WWOX: variants seen among roughly 807,000 people sequenced by gnomAD.
WWOX encodes WW domain-containing oxidoreductase.
WWOX carries 69 observed loss-of-function variants against 46.2 expected under a neutral mutation model. The ratio of observed to expected loss-of-function variants is 1.49; its 90% CI spans 1.23 to 1.82. The LOEUF is 1.82. WWOX is among the 40% of genes most tolerant of loss of function. WWOX has a pLI of 0.00. For missense variants in WWOX, 919 were observed against 542.6 expected (o/e 1.69, Z -6.89); for synonymous variants, 359 against 202.6 (o/e 1.77, Z -6.56).
intron 8 of WWOX, among the ~76,000 whole-genome samples, chr16:78,508,782 C>T (rs939176724): frequency 1.3e-5 from 2 of 152,186 alleles, no homozygotes; most frequent in Admixed American, 6.5e-5. Flanking sequence ...CGATGTCTCT[C>T]CACAGGGCTG....
intron 5 of WWOX, among the ~76,000 whole-genome samples, chr16:78,352,852 T>G (rs897814038): frequency 6.6e-6 from 1 of 152,154 alleles, no homozygotes; most frequent in Admixed American, 6.5e-5. Flanking sequence ...CCTTCTGGAT[T>G]GGCGGTTGAT....
At chr16:79,069,609 T>C (rs1191178789) in intron 8 of WWOX, among the ~76,000 whole-genome samples, 4 of 151,848 alleles carry the variant, frequency 2.6e-5, no homozygotes, top group African/African-American at 9.7e-5. Flanking sequence ...AAGTATGCTG[T>C]TATCAACCAT....
intron 8 of WWOX, among the ~76,000 whole-genome samples, chr16:78,693,016 C>T (rs1023247129): frequency 1.3e-5 from 2 of 152,296 alleles, no homozygotes; most frequent in African/African-American, 4.8e-5. Flanking sequence ...AGTTTGAAAG[C>T]CCAACCATAT....
intron 5 of WWOX, among the ~76,000 whole-genome samples, chr16:78,248,977 C>T (rs746454212): frequency 6.6e-6 from 1 of 151,220 alleles, no homozygotes; most frequent in African/African-American, 2.4e-5. Context: ...CTGCCTCAGC[C>T]TCCGGAGCAG....
chr16:79,154,841 T>C (rs892097349), intron 8 of WWOX, among the ~76,000 whole-genome samples: 2 of 152,226 alleles, frequency 1.3e-5, no homozygotes, highest in East Asian at 3.9e-4. Context: ...ACCTGTGCTT[T>C]TATAAACTTG....
chr16:78,539,844 C>T (rs1014685693), intron 8 of WWOX, among the ~76,000 whole-genome samples: 2 of 152,122 alleles, frequency 1.3e-5, no homozygotes, highest in African/African-American at 4.8e-5. Context: ...CTTTATCTTG[C>T]CATTACTGTA....
At chr16:78,765,721 G>T (rs1341629198) in intron 8 of WWOX, among the ~76,000 whole-genome samples, 1 of 152,144 alleles carries the variant, frequency 6.6e-6, no homozygotes, top group Non-Finnish European at 1.5e-5. Flanking sequence ...GAGCTTTAAT[G>T]AGTTCACTCT....
At chr16:78,788,493 C>G (rs754549631) in intron 8 of WWOX, among the ~76,000 whole-genome samples, 1 of 152,158 alleles carries the variant, frequency 6.6e-6, no homozygotes, top group Non-Finnish European at 1.5e-5. Flanking sequence ...CCTCATGAAG[C>G]TCCCATAAAA....
At chr16:78,563,447 C>A (rs2044486397) in intron 8 of WWOX, among the ~76,000 whole-genome samples, 1 of 148,624 alleles carries the variant, frequency 6.7e-6, no homozygotes, top group Admixed American at 6.7e-5. Context: ...GAGGGAGAAT[C>A]CAAAGATAGT....
In WWOX at chr16:78,734,841, C is replaced by CTTTTTTTTTTTTTTTTTT. The variant is rs60560119; in HGVS notation, c.1056+302114_1056+302131dup. ...GATGACTCAGGTGGGGACTTCAGTC[C>CTTTTTTTTTTTTTTTTTT]TTTTTTTTTTTTTTTTTTTTTTTTT... On this transcript the variant is annotated intron_variant, in intron 8 of 8. Transcript: ENST00000566780. 3.2e-4 allele frequency among the ~76,000 whole-genome samples: 13 copies of CTTTTTTTTTTTTTTTTTT among 40,126 alleles called. 4 individuals are homozygous for CTTTTTTTTTTTTTTTTTT. The highest frequency in any genetic ancestry group is 6.4e-4 in the African/African-American group (7 of 10,904). The allele number at this position is 40,126 out of a possible 152,430, so 26.3% of individuals were successfully genotyped here.
intron 8 of WWOX, among the ~76,000 whole-genome samples, chr16:78,630,680 C>G (rs569792116): frequency 2.6e-4 from 40 of 152,294 alleles, no homozygotes; most frequent in African/African-American, 9.6e-4. Context: ...TGCCTTGCAT[C>G]CTTTTGCTGT....
At chr16:79,032,609 A>G (rs1463929257) in intron 8 of WWOX, among the ~76,000 whole-genome samples, 5 of 148,824 alleles carry the variant, frequency 3.4e-5, no homozygotes, top group Non-Finnish European at 7.4e-5. Context: ...TATATAATGA[A>G]TATAATTATA....
chr16:78,530,593 C>G (rs1037394221), intron 8 of WWOX, among the ~76,000 whole-genome samples: 6 of 152,088 alleles, frequency 3.9e-5, no homozygotes, highest in Non-Finnish European at 7.4e-5. Flanking sequence ...TGGGGGCAGG[C>G]CGGGCCATGG....
At chr16:78,681,100 A>G (rs951912986) in intron 8 of WWOX, among the ~76,000 whole-genome samples, 4 of 152,082 alleles carry the variant, frequency 2.6e-5, no homozygotes, top group East Asian at 1.9e-4. Flanking sequence ...AATGCAAAAG[A>G]TAGTTGAGCG....
At chr16:79,054,509 G>T (rs904728305) in intron 8 of WWOX, among the ~76,000 whole-genome samples, 1 of 152,116 alleles carries the variant, frequency 6.6e-6, no homozygotes, top group African/African-American at 2.4e-5. Context: ...ATTAATTTCT[G>T]GAACTAATTA....
At chr16:78,378,688 A>G (rs1052447777) in intron 5 of WWOX, among the ~76,000 whole-genome samples, 1 of 152,198 alleles carries the variant, frequency 6.6e-6, no homozygotes, top group Non-Finnish European at 1.5e-5. Context: ...CAGGACTGAG[A>G]GTATGTAAAG....
intron 5 of WWOX, among the ~76,000 whole-genome samples, chr16:78,302,328 A>T (rs561246924): frequency 5.5e-4 from 84 of 152,038 alleles, no homozygotes; most frequent in Non-Finnish European, 9.7e-4. Flanking sequence ...TAAATATATC[A>T]GTTATAAAAG....
At chr16:78,212,857 G>T (rs2036600143) in intron 5 of WWOX, among the ~76,000 whole-genome samples, 1 of 152,136 alleles carries the variant, frequency 6.6e-6, no homozygotes, top group African/African-American at 2.4e-5. Context: ...ACTGGAGTGT[G>T]CTGCTGTAAC....
At chr16:78,264,575 A>G (rs2079320145) in intron 5 of WWOX, 1 of 152,240 alleles carries the variant, frequency 6.6e-6, no homozygotes, top group South Asian at 2.1e-4. Context: ...TCCATCACGT[A>G]TATGAGATTC....
Sources: allele counts gnomAD v4.1 joint callset (sites outside exome capture counted in the v4.1 genomes callset), GRCh38; gene constraint gnomAD v4.1.1; transcripts MANE v1.5; gene names NCBI Gene and HGNC (gene_info 2026-07-23, HGNC 2026-07-21).